The following OPCML variants were observed in gnomAD, a reference collection of about 807,000 sequenced individuals.
OPCML encodes opioid binding protein/cell adhesion molecule like.
In OPCML, 13 loss-of-function variants were observed where a neutral mutation model predicts 37.8. The observed-to-expected ratio is 0.34, with a 90% CI of 0.22 to 0.55. The LOEUF (loss-of-function observed/expected upper bound fraction) is 0.55, where lower values mean the gene tolerates loss of function less well. Ranked by LOEUF, OPCML falls within the 20% of genes least tolerant of loss-of-function variation. The pLI is 0.91. For missense variants in OPCML, 341 were observed against 435.6 expected, an observed-to-expected ratio of 0.78 and a Z score of 1.93; for synonymous variants, 176 against 168.8, an observed-to-expected ratio of 1.04 and a Z score of -0.33.
chr11:132,532,449 T>C (rs765149121), intron 3 of OPCML, among the ~76,000 whole-genome samples: 11 of 152,224 alleles, frequency 7.2e-5, no homozygotes, highest in Non-Finnish European at 1.3e-4. Flanking sequence ...TTCAAATTGC[T>C]TGTTTATGGA....
intron 6 of OPCML, 46 bp downstream of exon 6, chr11:132,436,613 C>A: frequency 6.2e-7 from 1 of 1,606,014 alleles, no homozygotes; most frequent in East Asian, 2.2e-5. Context: ...TGGGGATAGA[C>A]CATCAGCTCT....
chr11:133,420,067 C>T (rs951762533), intron 1 of OPCML, among the ~76,000 whole-genome samples: 9 of 152,250 alleles, frequency 5.9e-5, no homozygotes, highest in South Asian at 2.1e-4. Context: ...TAAGCTTTAC[C>T]GAATTTCCAG....
intron 1 of OPCML, among the ~76,000 whole-genome samples, chr11:133,071,943 C>T (rs1380743337): frequency 6.6e-6 from 1 of 152,170 alleles, no homozygotes; most frequent in East Asian, 1.9e-4. Context: ...GGATAAAATG[C>T]TTGCCCAGAG....
chr11:132,863,127 T>C (rs1233609095), intron 2 of OPCML, among the ~76,000 whole-genome samples: 2 of 151,978 alleles, frequency 1.3e-5, no homozygotes, highest in Non-Finnish European at 1.5e-5. Context: ...TGTAGCTACA[T>C]GGCATGGGGC....
intron 1 of OPCML, among the ~76,000 whole-genome samples, chr11:133,412,619 C>T (rs1176572570): frequency 6.6e-6 from 1 of 152,120 alleles, no homozygotes; most frequent in East Asian, 1.9e-4. Context: ...TCAGCTGATA[C>T]AGATGAAAAA....
chr11:133,246,357 A>G (rs1484588514), intron 1 of OPCML, among the ~76,000 whole-genome samples: 1 of 152,244 alleles, frequency 6.6e-6, no homozygotes, highest in Non-Finnish European at 1.5e-5. Context: ...ATTAAAGCAG[A>G]AGTAGAGACA....
intron 1 of OPCML, among the ~76,000 whole-genome samples, chr11:133,189,483 G>T (rs1298894538): frequency 6.6e-6 from 1 of 152,142 alleles, no homozygotes; most frequent in East Asian, 1.9e-4. Flanking sequence ...TTGTATATTG[G>T]ATACTAGTTA....
At chr11:133,452,807 G>T (rs760975510) in intron 1 of OPCML, among the ~76,000 whole-genome samples, 1 of 151,546 alleles carries the variant, frequency 6.6e-6, no homozygotes, top group Non-Finnish European at 1.5e-5. Context: ...CAGCTCCAAG[G>T]CTTTTGCTAA....
At chr11:132,563,942 G>C (rs1318135876) in intron 3 of OPCML, among the ~76,000 whole-genome samples, 1 of 152,128 alleles carries the variant, frequency 6.6e-6, no homozygotes, top group Non-Finnish European at 1.5e-5. Context: ...ATTCCAGATA[G>C]CCATGCCCTG....
chr11:132,458,940 ATTCTT>A (rs1391006632), intron 4 of OPCML, among the ~76,000 whole-genome samples: 3 of 152,178 alleles, frequency 2.0e-5, no homozygotes, highest in Non-Finnish European at 4.4e-5. Context: ...TGTGTGTATT[ATTCTT>A]TTGTGTACAC....
intron 4 of OPCML, among the ~76,000 whole-genome samples, chr11:132,520,033 T>C (rs757091534): frequency 6.6e-6 from 1 of 152,164 alleles, no homozygotes; most frequent in African/African-American, 2.4e-5. Flanking sequence ...ATGGCATGAA[T>C]GTGGCTTTGA....
intron 4 of OPCML, among the ~76,000 whole-genome samples, chr11:132,437,718 A>T (rs1009169728): frequency 6.6e-6 from 1 of 152,228 alleles, no homozygotes; most frequent in African/African-American, 2.4e-5. Flanking sequence ...AACTGTCATG[A>T]TCAATAATAT....
At chr11:133,356,326 T>G (rs1003757288) in intron 1 of OPCML, among the ~76,000 whole-genome samples, 3 of 152,260 alleles carry the variant, frequency 2.0e-5, no homozygotes, top group Non-Finnish European at 4.4e-5. Context: ...GTTTATGCTC[T>G]GAGCTGCTGA....
rs560433354 is a variant in OPCML at position 132,505,505 on chromosome 11, C to T, written c.505+23556G>A. ...GAAAAGTACAGCCTTCAGGAAAAGGCTGCTTAAGGGGCAAAAGATGGAAAA... is the reference window on the plus strand; with the variant it reads ...GAAAAGTACAGCCTTCAGGAAAAGGTTGCTTAAGGGGCAAAAGATGGAAAA... On this transcript the variant is annotated intron_variant, in intron 4 of 7. Coordinates refer to ENST00000524381, the MANE Select transcript of OPCML (RefSeq NM_001012393.5). Among the ~76,000 whole-genome samples, 7 of 104,130 alleles carry T rather than the reference C, an allele frequency of 6.7e-5. No individual in the cohort carries two copies. The East Asian group carries it at 1.7e-3, about 26-fold the overall frequency. The allele number at this position is 104,130 out of a possible 152,430, so 68.3% of individuals were successfully genotyped here. A position where few individuals can be genotyped will look rare whatever the true frequency, so the allele number is the denominator to read the frequency against.
Position 133,484,352 on chromosome 11 carries a change from T to C in OPCML, c.61+47912A>G, listed in dbSNP as rs559540245. ...ATGATAATGTCCCATGAATGAGATA[T>C]TCAATATTCTATATCTAGGTTTCTA... On this transcript the variant is annotated intron_variant, in intron 1 of 7. Coordinates refer to ENST00000524381, the MANE Select transcript of OPCML (RefSeq NM_001012393.5). Among the ~76,000 whole-genome samples, 605 of 152,198 alleles carry C rather than the reference T, an allele frequency of 4.0e-3. 3 individuals carry two copies. The highest frequency in any genetic ancestry group is 0.014 in the African/African-American group (583 of 41,538).
chr11:132,967,829 A>G (rs1380066275), intron 1 of OPCML, among the ~76,000 whole-genome samples: 2 of 152,182 alleles, frequency 1.3e-5, no homozygotes, highest in East Asian at 1.9e-4. Flanking sequence ...TCTGCAAGCA[A>G]GGTTTCTCAC....
intron 1 of OPCML, among the ~76,000 whole-genome samples, chr11:133,227,082 G>C (rs7941266): frequency 0.042 from 6,419 of 152,200 alleles, 450 homozygotes; most frequent in African/African-American, 0.14. Context: ...GTCGTGTTAG[G>C]GGGGGGTGCT....
intron 1 of OPCML, among the ~76,000 whole-genome samples, chr11:133,207,273 C>G (rs938878313): frequency 2.0e-5 from 3 of 152,048 alleles, no homozygotes; most frequent in African/African-American, 7.2e-5. Flanking sequence ...GCCCTCCAGC[C>G]TGGGCGACAG....
chr11:133,407,626 G>A (rs1945553336), intron 1 of OPCML, among the ~76,000 whole-genome samples: 4 of 152,122 alleles, frequency 2.6e-5, no homozygotes, highest in Admixed American at 2.6e-4. Context: ...CCACACGTGG[G>A]TGGCACCTGT....
Sources: allele counts gnomAD v4.1 joint callset (sites outside exome capture counted in the v4.1 genomes callset), GRCh38; gene constraint gnomAD v4.1.1; transcripts MANE v1.5; gene names NCBI Gene and HGNC (gene_info 2026-07-23, HGNC 2026-07-21).